DCLK2: variants seen among roughly 807,000 people sequenced by gnomAD.
DCLK2 encodes doublecortin like kinase 2.
A neutral mutation model predicts 78.4 loss-of-function variants in DCLK2; 31 were observed. That is an observed-to-expected ratio of 0.40 (90% CI 0.30 to 0.53). The LOEUF is 0.53. Ranked by LOEUF, DCLK2 falls within the 20% of genes least tolerant of loss-of-function variation. DCLK2 has a pLI of 0.61. For synonymous variants in DCLK2, 407 were observed against 374.9 expected (o/e 1.09, Z -0.99); for missense variants, 872 against 973.7 (o/e 0.90, Z 1.39).
At chr4:150,241,825 CT>C (rs1387013996) in intron 12 of DCLK2, among the ~76,000 whole-genome samples, 4 of 152,100 alleles carry the variant, frequency 2.6e-5, no homozygotes, top group Admixed American at 1.3e-4. Context: ...TCTCTGGGGT[CT>C]TTTGTAAGGG....
At chr4:150,239,141 C>G (rs1392553038) in intron 10 of DCLK2, among the ~76,000 whole-genome samples, 2 of 152,182 alleles carry the variant, frequency 1.3e-5, no homozygotes, top group Non-Finnish European at 2.9e-5. Flanking sequence ...CGCCTACACT[C>G]TAACTACTGT....
intron 2 of DCLK2, among the ~76,000 whole-genome samples, chr4:150,142,422 A>G (rs555101169): frequency 2.6e-5 from 4 of 152,312 alleles, no homozygotes; most frequent in Admixed American, 2.6e-4. Flanking sequence ...ATTGAGTAGA[A>G]TGTACAATTT....
chr4:150,210,593 C>T (rs1241298072), intron 5 of DCLK2, among the ~76,000 whole-genome samples: 12 of 150,688 alleles, frequency 8.0e-5, no homozygotes, highest in African/African-American at 7.3e-5. Context: ...GAGCTGAGAT[C>T]GCACCACTGC....
intron 2 of DCLK2, among the ~76,000 whole-genome samples, chr4:150,175,011 A>AATAT (rs1327523541): frequency 2.0e-4 from 2 of 9,976 alleles, no homozygotes; most frequent in African/African-American, 5.3e-4. Flanking sequence ...AAAAAAAAAA[A>AATAT]ATATATATAT....
chr4:150,107,879 G>T (rs28559901), intron 2 of DCLK2, among the ~76,000 whole-genome samples: 21,905 of 151,986 alleles, frequency 0.14, 1,949 homozygotes, highest in Non-Finnish European at 0.21. Context: ...GCTGAGGCAG[G>T]AGGATTACTT....
At chr4:150,082,451 A>AT (rs1729369756) in intron 1 of DCLK2, among the ~76,000 whole-genome samples, 2 of 152,154 alleles carry the variant, frequency 1.3e-5, no homozygotes, top group African/African-American at 2.4e-5. Context: ...GGCCCAAATT[A>AT]TTTTTTCTTC....
chr4:150,193,043 A>G, intron 2 of DCLK2, 95 bp from the exon 3 acceptor site: 1 of 751,682 alleles, frequency 1.3e-6, no homozygotes, highest in East Asian at 2.5e-5. Context: ...CCACTTCAAT[A>G]CTTAAAATTC....
Position 150,256,256 on chromosome 4 carries a change from C to A in DCLK2, c.*9C>A. The A allele has an allele frequency of 6.7e-7, 1 of 1,499,170 alleles. No individual in the cohort carries two copies. Among genetic ancestry groups the A allele is most frequent in the Non-Finnish European group, 8.9e-7 (1 of 1,125,246 alleles). The allele number at this position is 1,499,170 out of a possible 1,614,324, so 92.9% of individuals were successfully genotyped here. On this transcript the variant is annotated 3_prime_UTR_variant, in exon 16 of 16. Coordinates refer to ENST00000296550, the MANE Select transcript of DCLK2 (RefSeq NM_001040260.4). Reference sequence around the variant, plus strand: ...GCCGCCACCGAGACTGAGCCTCCTGCAGACGGGCGAAGCCGCCTGCTGCAG... The same window carrying A: ...GCCGCCACCGAGACTGAGCCTCCTGAAGACGGGCGAAGCCGCCTGCTGCAG...
At chr4:150,241,549 T>G (rs991943819) in intron 12 of DCLK2, among the ~76,000 whole-genome samples, 6 of 152,360 alleles carry the variant, frequency 3.9e-5, no homozygotes, top group African/African-American at 1.4e-4. Context: ...GTAGCTACTG[T>G]GTGCCAGGCA....
At chr4:150,145,262 C>G (rs113899563) in intron 2 of DCLK2, among the ~76,000 whole-genome samples, 4,256 of 152,240 alleles carry the variant, frequency 0.028, 131 homozygotes, top group Non-Finnish European at 0.038. Context: ...CTCTGCATTA[C>G]CAGGCATCAC....
At chr4:150,183,807 C>T (rs952408206) in intron 2 of DCLK2, among the ~76,000 whole-genome samples, 1 of 150,766 alleles carries the variant, frequency 6.6e-6, no homozygotes, top group African/African-American at 2.5e-5. Context: ...AATCTTGGTT[C>T]ACCACAGCCT....
chr4:150,208,306 G>C (rs1560870719), intron 5 of DCLK2, among the ~76,000 whole-genome samples: 1 of 152,160 alleles, frequency 6.6e-6, no homozygotes, highest in Non-Finnish European at 1.5e-5. Flanking sequence ...AAGAGTTTTT[G>C]TCAGTAGTTA....
intron 2 of DCLK2, among the ~76,000 whole-genome samples, chr4:150,103,803 C>T (rs891381201): frequency 6.6e-6 from 1 of 152,048 alleles, no homozygotes; most frequent in Non-Finnish European, 1.5e-5. Flanking sequence ...TTTAAAAATA[C>T]GTTCTAAAGA....
chr4:150,104,394 TAAAAAAAAAAAAAA>T (rs34276664), intron 2 of DCLK2, among the ~76,000 whole-genome samples: 4 of 29,762 alleles, frequency 1.3e-4, no homozygotes, highest in South Asian at 2.8e-3. Context: ...CCACATCTCC[TAAAAAAAAAAAAAA>T]AAAAAAAAAA....
At chr4:150,158,598 A>C (rs1735486533) in intron 2 of DCLK2, among the ~76,000 whole-genome samples, 1 of 152,190 alleles carries the variant, frequency 6.6e-6, no homozygotes, top group African/African-American at 2.4e-5. Flanking sequence ...AGTCTCTGGG[A>C]ATATAAATGT....
At chr4:150,109,655 G>T (rs966366238) in intron 2 of DCLK2, among the ~76,000 whole-genome samples, 1 of 152,154 alleles carries the variant, frequency 6.6e-6, no homozygotes, top group African/African-American at 2.4e-5. Context: ...TTTTGTAGAT[G>T]ATAGAAATCT....
intron 5 of DCLK2, among the ~76,000 whole-genome samples, chr4:150,216,927 G>A (rs138291181): frequency 1.3e-5 from 2 of 152,246 alleles, no homozygotes; most frequent in East Asian, 1.9e-4. Flanking sequence ...CTGAAAAACC[G>A]TAAATGCTGC....
chr4:150,155,657 GCTTGCAGTAATCATGGGTAAAA>G (rs1250715991), intron 2 of DCLK2, among the ~76,000 whole-genome samples: 1 of 152,188 alleles, frequency 6.6e-6, no homozygotes, highest in East Asian at 1.9e-4. Flanking sequence ...GTTGAGAAAA[GCTTGCAGTAATCATGGGTAAAA>G]CTCTTGAGAC....
chr4:150,166,006 C>T (rs1275504465), intron 2 of DCLK2, among the ~76,000 whole-genome samples: 1 of 152,130 alleles, frequency 6.6e-6, no homozygotes, highest in African/African-American at 2.4e-5. Flanking sequence ...CTGTAGACAC[C>T]AGTGCCAAGC....
Sources: gnomAD v4.1 joint callset for allele counts (sites outside exome capture counted in the v4.1 genomes callset) on GRCh38, gnomAD v4.1.1 for gene constraint, MANE v1.5 for transcripts, NCBI Gene and HGNC (gene_info 2026-07-23, HGNC 2026-07-21) for gene names.